Variants in ANKRD33B observed in about 807,000 individuals in gnomAD.
ANKRD33B encodes the protein ankyrin repeat domain-containing protein 33B.
Under a neutral mutation model 21.5 loss-of-function variants are expected in ANKRD33B, and 6 were observed. The ratio of observed to expected loss-of-function variants is 0.28; its 90% CI spans 0.15 to 0.55. The LOEUF (loss-of-function observed/expected upper bound fraction) is 0.55, where lower values mean the gene tolerates loss of function less well. Ranked by LOEUF, ANKRD33B falls within the 20% of genes least tolerant of loss-of-function variation. The probability of loss-of-function intolerance (pLI) is 0.94; values close to 1 mark genes in which losing one functional copy is unlikely to be tolerated. For synonymous variants in ANKRD33B, 347 were observed against 342.4 expected, an observed-to-expected ratio of 1.01 and a Z score of -0.15; for missense variants, 698 against 747.2, an observed-to-expected ratio of 0.93 and a Z score of 0.77.
intron 1 of ANKRD33B, among the ~76,000 whole-genome samples, chr5:10,582,028 C>A (rs1016129976): frequency 4.6e-5 from 7 of 152,238 alleles, no homozygotes; most frequent in African/African-American, 1.7e-4. Context: ...CAGCTCTCAG[C>A]CCTGGACCAC....
intron 2 of ANKRD33B, among the ~76,000 whole-genome samples, chr5:10,631,875 G>C (rs1736723463): frequency 6.6e-6 from 1 of 152,230 alleles, no homozygotes; most frequent in Non-Finnish European, 1.5e-5. Context: ...CATGGCCAGT[G>C]TCTCTCATGA....
At chr5:10,601,218 A>G (rs1735921704) in intron 1 of ANKRD33B, among the ~76,000 whole-genome samples, 1 of 152,194 alleles carries the variant, frequency 6.6e-6, no homozygotes, top group African/African-American at 2.4e-5. Flanking sequence ...CCCACCTGAG[A>G]GCCAGATAGT....
chr5:10,636,484 A>T (rs1736869555), intron 2 of ANKRD33B, among the ~76,000 whole-genome samples: 1 of 152,056 alleles, frequency 6.6e-6, no homozygotes, highest in African/African-American at 2.4e-5. Context: ...GGGCATGATG[A>T]TGCTCGCCTG....
intron 1 of ANKRD33B, among the ~76,000 whole-genome samples, chr5:10,595,890 A>T (rs1306470054): frequency 6.6e-6 from 1 of 152,186 alleles, no homozygotes; most frequent in Non-Finnish European, 1.5e-5. Context: ...GATGGCCTGA[A>T]AACAGAGAGG....
At chr5:10,633,619 G>A (rs942891503) in intron 2 of ANKRD33B, among the ~76,000 whole-genome samples, 3 of 152,272 alleles carry the variant, frequency 2.0e-5, no homozygotes, top group South Asian at 2.1e-4. Context: ...AGCGTTTCCC[G>A]GATTTCCTTT....
intron 1 of ANKRD33B, among the ~76,000 whole-genome samples, chr5:10,570,993 T>C (rs1452603711): frequency 1.3e-5 from 2 of 151,694 alleles, no homozygotes; most frequent in African/African-American, 4.9e-5. Context: ...TATAAGTGTG[T>C]TTGTGTTTAT....
chr5:10,635,007 T>C (rs951074470), intron 2 of ANKRD33B, among the ~76,000 whole-genome samples: 4 of 151,778 alleles, frequency 2.6e-5, no homozygotes, highest in Non-Finnish European at 5.9e-5. Flanking sequence ...GCGTGATTTC[T>C]TGGATCATCG....
chr5:10,574,545 A>G (rs1292263840), intron 1 of ANKRD33B, among the ~76,000 whole-genome samples: 1 of 152,248 alleles, frequency 6.6e-6, no homozygotes, highest in East Asian at 1.9e-4. Flanking sequence ...AAGGAAAATT[A>G]CAGGTAGCAT....
intron 3 of ANKRD33B, among the ~76,000 whole-genome samples, chr5:10,641,516 A>C (rs1284545497): frequency 6.6e-6 from 1 of 151,982 alleles, no homozygotes; most frequent in Non-Finnish European, 1.5e-5. Flanking sequence ...GGTGTGAGCC[A>C]CCGCGCCCTG....
chr5:10,608,196 C>CA (rs1297621309), intron 1 of ANKRD33B, among the ~76,000 whole-genome samples: 53,345 of 113,046 alleles, frequency 0.47, 12,231 homozygotes, highest in East Asian at 0.7. Context: ...TAAAAAAATA[C>CA]AAAAAAAAAA....
chr5:10,638,345 C>A (rs1165249742), intron 3 of ANKRD33B, among the ~76,000 whole-genome samples, 177 bp downstream of exon 3: 1 of 152,260 alleles, frequency 6.6e-6, no homozygotes, highest in Admixed American at 6.5e-5. Flanking sequence ...AAAAAAGCCA[C>A]AGCATTGGTT....
In ANKRD33B at chr5:10,569,988, C is replaced by T. The variant is rs144186186; in HGVS notation, c.366+5155C>T. 3.5e-3 allele frequency among the ~76,000 whole-genome samples: 531 copies of T among 152,234 alleles called. 1 individual carries two copies. Among genetic ancestry groups the T allele is most frequent in the African/African-American group, 0.012 (504 of 41,532 alleles). ...GTCTCCCAGGTTCAAGCGATTCTCC[C>T]GACTCAGCCTCCTGAGTAGCTGGGA... On this transcript the variant is annotated intron_variant, in intron 1 of 3. Coordinates refer to ENST00000296657, the MANE Select transcript of ANKRD33B (RefSeq NM_001164440.2).
intron 1 of ANKRD33B, among the ~76,000 whole-genome samples, chr5:10,591,776 CTT>C (rs1735698713): frequency 1.3e-5 from 2 of 151,080 alleles, no homozygotes; most frequent in South Asian, 4.2e-4. Context: ...AAATTGTACT[CTT>C]GGTGTATTTA....
intron 1 of ANKRD33B, 66 bp from the exon 2 acceptor site, chr5:10,618,267 T>TC: frequency 6.5e-7 from 1 of 1,531,836 alleles, no homozygotes; most frequent in Non-Finnish European, 8.7e-7. Flanking sequence ...CCCCTCGGGG[T>TC]CCCCAGTGCT....
At position 10,649,439 on chromosome 5, in the gene ANKRD33B, C is replaced by G. The variant is rs565285700; in HGVS notation, c.811C>G (p.Arg271Gly). 18 of 1,535,146 alleles carry G rather than the reference C, an allele frequency of 1.2e-5. No individual in the cohort carries two copies. The highest frequency in any genetic ancestry group is 1.4e-5 in the Non-Finnish European group (16 of 1,146,440). ...GCTGCCGCCGCCCCCTGAAGCGGCG[C>G]GGAAGCCCGCGGGCTCCAAGAACTG... ...PELPPPPEAARKPAGSKNCLQ... is the reference protein window; with the variant it reads ...PELPPPPEAAGKPAGSKNCLQ... The change falls in exon 4 of 4, where the codon CGG becomes GGG. Residue 271 changes from arginine (R) to glycine (G), a missense_variant. Physicochemically the swap from Arg to Gly is moderately radical, Grantham distance 125. Coordinates refer to ENST00000296657, the MANE Select transcript of ANKRD33B (RefSeq NM_001164440.2).
chr5:10,598,934 T>G (rs561075926), intron 1 of ANKRD33B, among the ~76,000 whole-genome samples: 1 of 152,172 alleles, frequency 6.6e-6, no homozygotes, highest in Non-Finnish European at 1.5e-5. Flanking sequence ...TGACATATGA[T>G]AAAGTACAGA....
At chr5:10,625,616 G>A (rs773593498) in intron 2 of ANKRD33B, among the ~76,000 whole-genome samples, 20 of 152,226 alleles carry the variant, frequency 1.3e-4, no homozygotes, top group Admixed American at 6.5e-4. Flanking sequence ...GAGAGGCTGC[G>A]TTATGACTGG....
chr5:10,570,435 C>T (rs921515459), intron 1 of ANKRD33B, among the ~76,000 whole-genome samples: 3 of 151,770 alleles, frequency 2.0e-5, no homozygotes, highest in East Asian at 2.0e-4. Context: ...CAGGCTGTCT[C>T]GGCCTGTTTT....
chr5:10,633,842 A>G (rs768861843), intron 2 of ANKRD33B, among the ~76,000 whole-genome samples: 4 of 152,156 alleles, frequency 2.6e-5, no homozygotes, highest in Non-Finnish European at 4.4e-5. Context: ...AAGACGCCCG[A>G]TAAAGGGCTG....
Sources: allele counts gnomAD v4.1 joint callset (sites outside exome capture counted in the v4.1 genomes callset), GRCh38; gene constraint gnomAD v4.1.1; transcripts MANE v1.5; gene names NCBI Gene and HGNC (gene_info 2026-07-23, HGNC 2026-07-21).